The following SMYD3 variants were observed in gnomAD, a reference collection of about 807,000 sequenced individuals.
The protein encoded by SMYD3 is histone-lysine N-methyltransferase SMYD3.
In SMYD3, 36 loss-of-function variants were observed where a neutral mutation model predicts 57.7. The ratio of observed to expected loss-of-function variants is 0.62; its 90% CI spans 0.48 to 0.82. SMYD3 has a LOEUF of 0.82. Ranked by LOEUF, SMYD3 falls within the 40% of genes least tolerant of loss-of-function variation. The pLI, the probability that SMYD3 is intolerant of heterozygous loss-of-function variation, is 0.00. For synonymous variants in SMYD3, 211 were observed against 195.0 expected (o/e 1.08, Z -0.68); for missense variants, 515 against 538.8 (o/e 0.96, Z 0.44).
At chr1:245,912,366 A>G (rs1213590341) in intron 8 of SMYD3, among the ~76,000 whole-genome samples, 1 of 152,190 alleles carries the variant, frequency 6.6e-6, no homozygotes, top group Non-Finnish European at 1.5e-5. Flanking sequence ...TGAAGAGAAC[A>G]CAAATGGAAA....
intron 10 of SMYD3, among the ~76,000 whole-genome samples, chr1:245,842,588 G>A (rs2050458843): frequency 6.6e-6 from 1 of 152,118 alleles, no homozygotes; most frequent in Non-Finnish European, 1.5e-5. Flanking sequence ...CTGCTAACAG[G>A]GGAATTAATG....
Position 246,291,198 on chromosome 1 carries a change from C to T in SMYD3, c.531+36003G>A, listed in dbSNP as rs9725679. ...ACAGCTTGCTAACAAATTAGGGAAA[C>T]GTTCCCCTCTGGTTTCTTTCCCGAC... On this transcript the variant is annotated intron_variant, in intron 5 of 11. Transcript: ENST00000490107. 6.9e-3 allele frequency among the ~76,000 whole-genome samples: 1,047 copies of T among 152,104 alleles called. 15 individuals carry two copies. Among genetic ancestry groups the T allele is most frequent in the African/African-American group, 0.024 (998 of 41,568 alleles).
At chr1:246,139,757 G>A (rs2061722396) in intron 5 of SMYD3, among the ~76,000 whole-genome samples, 1 of 152,158 alleles carries the variant, frequency 6.6e-6, no homozygotes, top group Non-Finnish European at 1.5e-5. Flanking sequence ...CTCCAATTTT[G>A]TTTTGTTCAA....
At chr1:245,750,795 C>T (rs562083390) in intron 11 of SMYD3, among the ~76,000 whole-genome samples, 166 of 152,128 alleles carry the variant, frequency 1.1e-3, no homozygotes, top group Non-Finnish European at 1.6e-3. Flanking sequence ...GTAAATGTGC[C>T]CAGGAGACTT....
chr1:246,128,800 GGTTTT>G (rs1248028889), intron 5 of SMYD3, among the ~76,000 whole-genome samples: 1 of 151,876 alleles, frequency 6.6e-6, no homozygotes, highest in African/African-American at 2.4e-5. Flanking sequence ...GTGCTTTTTT[GGTTTT>G]GTTTTGTTTT....
At chr1:245,761,242 C>A (rs1262889671) in intron 11 of SMYD3, among the ~76,000 whole-genome samples, 1 of 152,110 alleles carries the variant, frequency 6.6e-6, no homozygotes, top group Non-Finnish European at 1.5e-5. Context: ...AGGGTGTATG[C>A]CTGAGCTTCA....
intron 5 of SMYD3, among the ~76,000 whole-genome samples, chr1:246,008,966 G>T (rs77283404): frequency 6.6e-6 from 1 of 152,092 alleles, no homozygotes; most frequent in Non-Finnish European, 1.5e-5. Flanking sequence ...AGTGCCAGCC[G>T]TACCGCTTGC....
At chr1:246,443,273 C>T (rs985737518) in intron 1 of SMYD3, among the ~76,000 whole-genome samples, 5 of 152,176 alleles carry the variant, frequency 3.3e-5, no homozygotes, top group Non-Finnish European at 7.3e-5. Context: ...GTACATTTCT[C>T]CATCTGCAAG....
At chr1:245,803,852 C>T (rs976275981) in intron 10 of SMYD3, among the ~76,000 whole-genome samples, 5 of 151,868 alleles carry the variant, frequency 3.3e-5, no homozygotes, top group African/African-American at 7.3e-5. Context: ...ATCCTTTGAG[C>T]CCTGGATCCA....
chr1:245,773,752 A>G (rs1395138858), intron 10 of SMYD3, among the ~76,000 whole-genome samples: 1 of 152,232 alleles, frequency 6.6e-6, no homozygotes, highest in East Asian at 1.9e-4. Context: ...ACCATAATTT[A>G]GTTTAATACA....
chr1:246,352,591 T>C (rs1384427382), intron 2 of SMYD3, among the ~76,000 whole-genome samples: 1 of 152,232 alleles, frequency 6.6e-6, no homozygotes, highest in Non-Finnish European at 1.5e-5. Context: ...TTATTACATA[T>C]ATCCTTCATC....
chr1:245,808,767 T>C (rs559590289), intron 10 of SMYD3, among the ~76,000 whole-genome samples: 2 of 152,072 alleles, frequency 1.3e-5, no homozygotes. Context: ...CTTTTTTTTT[T>C]AGTTTTTATT....
intron 1 of SMYD3, among the ~76,000 whole-genome samples, chr1:246,426,937 C>G (rs185060088): frequency 6.6e-6 from 1 of 152,004 alleles, no homozygotes; most frequent in Non-Finnish European, 1.5e-5. Context: ...ATTTTATAAA[C>G]AATAAAACTC....
intron 5 of SMYD3, among the ~76,000 whole-genome samples, chr1:246,054,873 T>TAAACAAAAAAAA (rs2060121914): frequency 1.3e-5 from 1 of 79,112 alleles, no homozygotes; most frequent in African/African-American, 3.9e-5. Context: ...AGGATGACTA[T>TAAACAAAAAAAA]AAAAAAAAAA....
intron 5 of SMYD3, among the ~76,000 whole-genome samples, chr1:245,969,180 T>G (rs1213417754): frequency 1.3e-5 from 2 of 152,222 alleles, no homozygotes; most frequent in Non-Finnish European, 2.9e-5. Context: ...CTTATTTAAA[T>G]TGAGAGCCTG....
At chr1:246,414,717 G>GTTTT (rs1311609589) in intron 1 of SMYD3, among the ~76,000 whole-genome samples, 3,576 of 123,294 alleles carry the variant, frequency 0.029, 140 homozygotes, top group Non-Finnish European at 0.043. Flanking sequence ...TTTTTTGCTG[G>GTTTT]TTTTTTTTTT....
chr1:246,307,042 C>T (rs568006065), intron 5 of SMYD3, among the ~76,000 whole-genome samples: 1 of 151,554 alleles, frequency 6.6e-6, no homozygotes, highest in Non-Finnish European at 1.5e-5. Flanking sequence ...TTCTGAGAAA[C>T]AACTTATCAT....
In SMYD3 at chr1:245,998,358, A is replaced by T. The variant is rs569831011; in HGVS notation, c.532-68421T>A. On this transcript the variant is annotated intron_variant, in intron 5 of 11. Coordinates refer to ENST00000490107, the MANE Select transcript of SMYD3 (RefSeq NM_001167740.2). ...CAGAGACATGATTCTTGCTGAATAAATAATTCTAAGTCAGTGACCTGACTA... is the reference window on the plus strand; with the variant it reads ...CAGAGACATGATTCTTGCTGAATAATTAATTCTAAGTCAGTGACCTGACTA... Among the ~76,000 whole-genome samples the T allele has an allele frequency of 3.3e-5, 5 of 152,338 alleles. No homozygotes were observed. In the East Asian group the frequency reaches 9.6e-4, roughly 29 times the overall value.
At chr1:246,092,173 A>G (rs1032752086) in intron 5 of SMYD3, among the ~76,000 whole-genome samples, 3 of 152,194 alleles carry the variant, frequency 2.0e-5, no homozygotes, top group African/African-American at 7.2e-5. Flanking sequence ...ATAAGGCATA[A>G]TCTTACTTTT....
Sources: allele counts gnomAD v4.1 joint callset (sites outside exome capture counted in the v4.1 genomes callset), GRCh38; gene constraint gnomAD v4.1.1; transcripts MANE v1.5; gene names NCBI Gene and HGNC (gene_info 2026-07-23, HGNC 2026-07-21).